The following KRTAP19-4 variants were observed in gnomAD, a reference collection of about 807,000 sequenced individuals.
KRTAP19-4 encodes the protein keratin-associated protein 19-4.
For missense variants in KRTAP19-4, 102 were observed against 101.1 expected, an observed-to-expected ratio of 1.01 and a Z score of -0.04; for synonymous variants, 42 against 41.7, an observed-to-expected ratio of 1.01 and a Z score of -0.03.
Position 30,497,131 on chromosome 21 carries a change from G to A in KRTAP19-4, c.-21C>T. On this transcript the variant is annotated 5_prime_UTR_variant, in exon 1 of 1. Coordinates refer to ENST00000334058, the MANE Select transcript of KRTAP19-4 (RefSeq NM_181610.3). Reference sequence around the variant, plus strand: ...CTCATGGCGTCAGGAGTGGTGAGTTGTTTGGCTGCTCAAGGCAAGATCCTA... The same window carrying A: ...CTCATGGCGTCAGGAGTGGTGAGTTATTTGGCTGCTCAAGGCAAGATCCTA... The A allele has an allele frequency of 6.2e-7, 1 of 1,612,752 alleles. No homozygotes were observed. The highest frequency in any genetic ancestry group is 8.5e-7 in the Non-Finnish European group (1 of 1,179,222).
In KRTAP19-4 at chr21:30,496,938, C is replaced by G. The variant is rs139592933; in HGVS notation, c.173G>C (p.Gly58Ala). The G allele has an allele frequency of 1.9e-6, 3 of 1,612,106 alleles. No individual in the cohort carries two copies. Among genetic ancestry groups the G allele is most frequent in the Non-Finnish European group, 2.5e-6 (3 of 1,179,666 alleles). Residue 58 changes from glycine to alanine, a missense_variant, in exon 1 of 1, where the codon GGA becomes GCA. Gly to Ala is a moderately conservative substitution (Grantham distance 60). Coordinates refer to ENST00000334058, the MANE Select transcript of KRTAP19-4 (RefSeq NM_181610.3). ...YCRPSCYGGY[G>A]FSILLKSYPE... is the part of the protein sequence containing the mutation. ...GTAGGATTTCAGTAGAATTGAGAAT[C>G]CATATCCTCCATAGCATGATGGGCG... is the stretch of plus-strand genomic sequence containing the variant.
In KRTAP19-4 at chr21:30,496,986, C is replaced by T; in HGVS notation, c.125G>A (p.Gly42Glu). ...FRRLGYGCGFGGNGYGYCRPS... is the reference protein window; with the variant it reads ...FRRLGYGCGFEGNGYGYCRPS... ...GCGGCAGTAGCCATATCCGTTGCCT[C>T]CAAAGCCACAGCCATAACCCAGTCT... The change falls in exon 1 of 1, where the codon GGA becomes GAA. Residue 42 changes from glycine to glutamate, a missense_variant. By Grantham distance (98) the Gly-to-Glu change is moderately conservative. Coordinates refer to ENST00000334058, the MANE Select transcript of KRTAP19-4 (RefSeq NM_181610.3). 6.2e-7 allele frequency: 1 copy of T among 1,613,068 alleles called. No homozygotes were observed. The highest frequency in any genetic ancestry group is 2.2e-5 in the East Asian group (1 of 44,794).
Position 30,497,074 on chromosome 21 carries a change from A to T in KRTAP19-4, c.37T>A (p.Tyr13Asn), listed in dbSNP as rs1986123951. The change falls in exon 1 of 1, where the codon TAT (tyrosine) becomes AAT (asparagine). Residue 13 changes from tyrosine (Y) to asparagine (N), a missense_variant. Coordinates refer to ENST00000334058, the MANE Select transcript of KRTAP19-4 (RefSeq NM_181610.3). ...AGGCCACCAAAGCCTCCACAGCCAT[A>T]GCCCAGGCCTCTGTAATAGCTGCCA... Reference protein sequence around the residue: ...YYGSYYRGLGYGCGGFGGLGY... With the variant: ...YYGSYYRGLGNGCGGFGGLGY... The T allele has an allele frequency of 6.2e-7, 1 of 1,613,468 alleles. No individual in the cohort carries two copies. Among genetic ancestry groups the T allele is most frequent in the Non-Finnish European group, 8.5e-7 (1 of 1,179,922 alleles).
rs1262673391 is a variant in KRTAP19-4, at chr21:30,496,911, G to A, written c.200C>T (p.Pro67Leu). Residue 67 changes from proline to leucine, a missense_variant, in exon 1 of 1, where the codon CCT becomes CTT. Coordinates refer to ENST00000334058, the MANE Select transcript of KRTAP19-4 (RefSeq NM_181610.3). ...YGFSILLKSY[P>L]EDTISEVIRR... ...TATGACCTCTGATATCGTGTCCTCA[G>A]GGTAGGATTTCAGTAGAATTGAGAA... is the stretch of plus-strand genomic sequence containing the variant. The A allele has an allele frequency of 6.2e-7, 1 of 1,611,198 alleles. No individual in the cohort carries two copies. The highest frequency in any genetic ancestry group is 1.4e-5 in the African/African-American group (1 of 73,778).
chr21:30,497,048 T>C lies in KRTAP19-4; in HGVS notation c.63A>G (p.Leu21=), dbSNP rs746540806. ...LGYGCGGFGG[L]GYGYGCGCGS... is the part of the protein sequence containing the mutation. The stretch of plus-strand genomic sequence containing the variant: ...CACATCCACAGCCATAGCCATAGCC[T>C]AGGCCACCAAAGCCTCCACAGCCAT... Residue 21 remains leucine (L), a synonymous_variant, in exon 1 of 1, where the codon CTA becomes CTG. Coordinates refer to ENST00000334058, the MANE Select transcript of KRTAP19-4 (RefSeq NM_181610.3). 5.0e-6 allele frequency: 8 copies of C among 1,613,056 alleles called. No homozygotes were observed. The highest frequency in any genetic ancestry group is 6.8e-6 in the Non-Finnish European group (8 of 1,179,842).
At position 30,497,009 on chromosome 21, in the gene KRTAP19-4, T is replaced by C; in HGVS notation, c.102A>G (p.Arg34=). Residue 34 remains arginine, a synonymous_variant, in exon 1 of 1, where the codon AGA becomes AGG. Transcript: ENST00000334058. ...GYGCGCGSFR[R]LGYGCGFGGN... Reference sequence around the variant, plus strand: ...CTCCAAAGCCACAGCCATAACCCAGTCTGCGGAAGCTGCCACATCCACAGC... The same window carrying C: ...CTCCAAAGCCACAGCCATAACCCAGCCTGCGGAAGCTGCCACATCCACAGC... 6.2e-7 allele frequency: 1 copy of C among 1,613,048 alleles called. No individual in the cohort carries two copies. Among genetic ancestry groups the C allele is most frequent in the South Asian group, 1.1e-5 (1 of 90,962 alleles).
chr21:30,496,954 A>AT, the KRTAP19-4 span: 3 of 1,612,692 alleles, frequency 1.9e-6, no homozygotes, highest in Non-Finnish European at 2.5e-6. Context: ...CCTCCATAGC[A>AT]TGATGGGCGG....
In KRTAP19-4 at chr21:30,497,113, C is replaced by G. The variant is rs755340390; in HGVS notation, c.-3G>C. On this transcript the variant is annotated 5_prime_UTR_variant, in exon 1 of 1. Coordinates refer to ENST00000334058, the MANE Select transcript of KRTAP19-4 (RefSeq NM_181610.3). Reference sequence around the variant, plus strand: ...TAATAGCTGCCATAGTAGCTCATGGCGTCAGGAGTGGTGAGTTGTTTGGCT... The same window carrying G: ...TAATAGCTGCCATAGTAGCTCATGGGGTCAGGAGTGGTGAGTTGTTTGGCT... The G allele has an allele frequency of 6.2e-7, 1 of 1,613,182 alleles. No homozygotes were observed. Among genetic ancestry groups the G allele is most frequent in the Non-Finnish European group, 8.5e-7 (1 of 1,179,770 alleles).
At position 30,496,844 on chromosome 21, in the gene KRTAP19-4, C is replaced by T. The variant is rs374876089; in HGVS notation, c.*12G>A. 169 of 1,604,274 alleles carry T rather than the reference C, an allele frequency of 1.1e-4. 1 individual carries two copies. The African/African-American group carries it at 2.1e-3, about 20-fold the overall frequency. On this transcript the variant is annotated 3_prime_UTR_variant, in exon 1 of 1. Transcript: ENST00000334058. Reference sequence around the variant, plus strand: ...TTTCATCTTGGATTGATCTAGTGTGCCCTTGTTTGACTCAATATTTGGTTA... The same window carrying T: ...TTTCATCTTGGATTGATCTAGTGTGTCCTTGTTTGACTCAATATTTGGTTA...
chr21:30,496,917 G>T lies in KRTAP19-4; in HGVS notation c.194C>A (p.Ser65Tyr), dbSNP rs780882342. Reference sequence around the variant, plus strand: ...CTCTGATATCGTGTCCTCAGGGTAGGATTTCAGTAGAATTGAGAATCCATA... The same window carrying T: ...CTCTGATATCGTGTCCTCAGGGTAGTATTTCAGTAGAATTGAGAATCCATA... The part of the protein sequence containing the change: ...GGYGFSILLK[S>Y]YPEDTISEVI... Residue 65 changes from serine to tyrosine, a missense_variant, in exon 1 of 1, where the codon TCC (serine) becomes TAC (tyrosine). Transcript: ENST00000334058. The T allele has an allele frequency of 1.2e-6, 2 of 1,611,504 alleles. No homozygotes were observed. The highest frequency in any genetic ancestry group is 1.4e-5 in the African/African-American group (1 of 73,948).
chr21:30,497,060 G>A lies in KRTAP19-4; in HGVS notation c.51C>T (p.Gly17=), dbSNP rs1277464394. The change falls in exon 1 of 1, where the codon GGC becomes GGT. Residue 17 remains glycine (G), a synonymous_variant. Coordinates refer to ENST00000334058, the MANE Select transcript of KRTAP19-4 (RefSeq NM_181610.3). ...YYRGLGYGCG[G]FGGLGYGYGC... is the part of the protein sequence containing the mutation. ...CATAGCCATAGCCTAGGCCACCAAA[G>A]CCTCCACAGCCATAGCCCAGGCCTC... is the stretch of plus-strand genomic sequence containing the variant. 3 of 1,613,112 alleles carry A rather than the reference G, an allele frequency of 1.9e-6. No homozygotes were observed. In the Admixed American group the frequency reaches 5.0e-5, roughly 27 times the overall value.
chr21:30,497,131 G>C lies in KRTAP19-4; in HGVS notation c.-21C>G. 3 of 1,612,752 alleles carry C rather than the reference G, an allele frequency of 1.9e-6. No homozygotes were observed. The highest frequency in any genetic ancestry group is 2.5e-6 in the Non-Finnish European group (3 of 1,179,222). On this transcript the variant is annotated 5_prime_UTR_variant, in exon 1 of 1. Transcript: ENST00000334058. The stretch of plus-strand genomic sequence containing the variant: ...CTCATGGCGTCAGGAGTGGTGAGTT[G>C]TTTGGCTGCTCAAGGCAAGATCCTA...
Position 30,497,096 on chromosome 21 carries a change from G to A in KRTAP19-4, c.15C>T (p.Gly5=). 6.2e-7 allele frequency: 1 copy of A among 1,613,586 alleles called. No individual in the cohort carries two copies. Among genetic ancestry groups the A allele is most frequent in the Non-Finnish European group, 8.5e-7 (1 of 1,179,928 alleles). The change falls in exon 1 of 1, where the codon GGC becomes GGT. Residue 5 remains glycine (G), a synonymous_variant. Transcript: ENST00000334058. MSYY[G]SYYRGLGYGC... is the part of the protein sequence containing the mutation. ...CATAGCCCAGGCCTCTGTAATAGCT[G>A]CCATAGTAGCTCATGGCGTCAGGAG...
Position 30,497,085 on chromosome 21 carries a change from C to A in KRTAP19-4, c.26G>T (p.Arg9Ile). The change falls in exon 1 of 1, where the codon AGA becomes ATA. Residue 9 changes from arginine to isoleucine, a missense_variant. By Grantham distance (97) the Arg-to-Ile change is moderately conservative (BLOSUM62 -3). Coordinates refer to ENST00000334058, the MANE Select transcript of KRTAP19-4 (RefSeq NM_181610.3). ...GCCTCCACAGCCATAGCCCAGGCCT[C>A]TGTAATAGCTGCCATAGTAGCTCAT... MSYYGSYY[R>I]GLGYGCGGFG... 6.2e-7 allele frequency: 1 copy of A among 1,613,444 alleles called. No individual in the cohort carries two copies.
In KRTAP19-4 at chr21:30,497,029, C is replaced by T; in HGVS notation, c.82G>A (p.Gly28Arg). 1 of 1,613,256 alleles carries T rather than the reference C, an allele frequency of 6.2e-7. No individual in the cohort carries two copies. ...FGGLGYGYGC[G>R]CGSFRRLGYG... ...CCCAGTCTGCGGAAGCTGCCACATC[C>T]ACAGCCATAGCCATAGCCTAGGCCA... The change falls in exon 1 of 1, where the codon GGA (glycine) becomes AGA (arginine). Residue 28 changes from glycine (G) to arginine (R), a missense_variant. Coordinates refer to ENST00000334058, the MANE Select transcript of KRTAP19-4 (RefSeq NM_181610.3).
Position 30,496,844 on chromosome 21 carries a change from C to G in KRTAP19-4, c.*12G>C, listed in dbSNP as rs374876089. On this transcript the variant is annotated 3_prime_UTR_variant, in exon 1 of 1. Coordinates refer to ENST00000334058, the MANE Select transcript of KRTAP19-4 (RefSeq NM_181610.3). ...TTTCATCTTGGATTGATCTAGTGTG[C>G]CCTTGTTTGACTCAATATTTGGTTA... 6.2e-7 allele frequency: 1 copy of G among 1,604,392 alleles called. No homozygotes were observed. The highest frequency in any genetic ancestry group is 1.4e-5 in the African/African-American group (1 of 72,206).
At chr21:30,496,905 TC>T in the KRTAP19-4 span, 3 of 1,611,566 alleles carry the variant, frequency 1.9e-6, no homozygotes, top group Non-Finnish European at 1.7e-6. Flanking sequence ...TGATATCGTG[TC>T]CTCAGGGTAG....
Position 30,496,901 on chromosome 21 carries a change from C to A in KRTAP19-4, c.210G>T (p.Thr70=), listed in dbSNP as rs1387536915. 1 of 1,610,584 alleles carries A rather than the reference C, an allele frequency of 6.2e-7. No individual in the cohort carries two copies. The highest frequency in any genetic ancestry group is 8.5e-7 in the Non-Finnish European group (1 of 1,179,408). Residue 70 remains threonine (T), a synonymous_variant, in exon 1 of 1, where the codon ACG becomes ACT. Transcript: ENST00000334058. ...SILLKSYPED[T]ISEVIRRSFN... Reference sequence around the variant, plus strand: ...ATGATCTTCTTATGACCTCTGATATCGTGTCCTCAGGGTAGGATTTCAGTA... The same window carrying A: ...ATGATCTTCTTATGACCTCTGATATAGTGTCCTCAGGGTAGGATTTCAGTA...
At position 30,496,872 on chromosome 21, in the gene KRTAP19-4, T is replaced by C. The variant is rs1198031862; in HGVS notation, c.239A>G (p.Asn80Ser). The C allele has an allele frequency of 1.2e-6, 2 of 1,609,678 alleles. No homozygotes were observed. The highest frequency in any genetic ancestry group is 1.7e-5 in the Admixed American group (1 of 59,288). ...TISEVIRRSF[N>S]LTKY The stretch of plus-strand genomic sequence containing the variant: ...TTGTTTGACTCAATATTTGGTTAAA[T>C]TGAATGATCTTCTTATGACCTCTGA... The change falls in exon 1 of 1, where the codon AAT (asparagine) becomes AGT (serine). Residue 80 changes from asparagine to serine, a missense_variant. By Grantham distance (46) the Asn-to-Ser change is conservative. Coordinates refer to ENST00000334058, the MANE Select transcript of KRTAP19-4 (RefSeq NM_181610.3).
Sources: allele counts gnomAD v4.1 joint callset, GRCh38; gene constraint gnomAD v4.1.1; transcripts MANE v1.5; gene names NCBI Gene and HGNC (gene_info 2026-07-23, HGNC 2026-07-21).